Variants in EML5 observed in about 807,000 individuals in gnomAD.
EML5 encodes echinoderm microtubule-associated protein-like 5.
EML5 carries 120 observed loss-of-function variants against 250.0 expected under a neutral mutation model. The observed-to-expected ratio is 0.48, with a 90% confidence interval of 0.41 to 0.56. The LOEUF (loss-of-function observed/expected upper bound fraction) is 0.56. Ranked by LOEUF, EML5 falls within the 20% of genes least tolerant of loss-of-function variation. The pLI, the probability that EML5 is intolerant of heterozygous loss-of-function variation, is 0.00. For missense variants in EML5, 2,006 were observed against 2,437.6 expected (o/e 0.82, Z 3.73); for synonymous variants, 771 against 806.5 (o/e 0.96, Z 0.75).
chr14:88,625,234 G>C lies in EML5; in HGVS notation c.4741-107C>G. 3 of 1,311,796 alleles carry C rather than the reference G, an allele frequency of 2.3e-6. No homozygotes were observed. In the South Asian group the frequency reaches 4.4e-5, roughly 19 times the overall value. The allele number at this position is 1,311,796 out of a possible 1,614,324, so 81.3% of individuals were successfully genotyped here. A position where few individuals can be genotyped will look rare whatever the true frequency, so the allele number is the denominator to read the frequency against. On this transcript the variant is annotated intron_variant, in intron 35 of 43. Transcript: ENST00000554922. ...AATGCTGTCTCACCCTTGATACAAA[G>C]AGCATGCATCGTGTAGTGGCAGCAG...
At chr14:88,652,075 C>T (rs2140828042) in intron 27 of EML5, among the ~76,000 whole-genome samples, 1 of 152,276 alleles carries the variant, frequency 6.6e-6, no homozygotes, top group South Asian at 2.1e-4. Flanking sequence ...GTCCTTTGCA[C>T]TATACGATGC....
chr14:88,619,536 T>C (rs1305631754), intron 39 of EML5: 4 of 152,124 alleles, frequency 2.6e-5, no homozygotes, highest in African/African-American at 7.2e-5. Flanking sequence ...GCCATTAGCA[T>C]TACATAATTA....
intron 21 of EML5, among the ~76,000 whole-genome samples, chr14:88,681,257 A>ACATGAAATG (rs1333347974): frequency 6.6e-6 from 1 of 152,250 alleles, no homozygotes; most frequent in Non-Finnish European, 1.5e-5. Flanking sequence ...CAGACAGAAA[A>ACATGAAATG]CATGAAATGA....
At chr14:88,707,064 T>G (rs1005324595) in intron 10 of EML5, among the ~76,000 whole-genome samples, 3 of 152,128 alleles carry the variant, frequency 2.0e-5, no homozygotes, top group African/African-American at 7.2e-5. Context: ...CTCCTCATGA[T>G]TAGATTCAGG....
At position 88,727,401 on chromosome 14, in the gene EML5, A is replaced by ATTT. The variant is rs3055841; in HGVS notation, c.1050-726_1050-724dup. On this transcript the variant is annotated intron_variant, in intron 7 of 43. Coordinates refer to ENST00000554922, the MANE Select transcript of EML5 (RefSeq NM_183387.3). ...CTGCATCTGTAGTGTGATACACTGC[A>ATTT]TTTTTTTTTTTTTTTTTGAGACGGA... Among the ~76,000 whole-genome samples, 1,265 of 131,668 alleles carry ATTT rather than the reference A, an allele frequency of 9.6e-3. 42 individuals carry two copies. Among genetic ancestry groups the ATTT allele is most frequent in the African/African-American group, 0.03 (1,034 of 34,622 alleles). 86.4% of individuals were successfully genotyped at this position (131,668 alleles called of 152,430 possible). A position where few individuals can be genotyped will look rare whatever the true frequency, so the allele number is the denominator to read the frequency against.
In EML5 at chr14:88,661,759, A is replaced by G. The variant is rs376085514; in HGVS notation, c.3570T>C (p.Ile1190=). 5.0e-6 allele frequency: 8 copies of G among 1,613,648 alleles called. No individual in the cohort carries two copies. In the African/African-American group the frequency reaches 1.1e-4, roughly 22 times the overall value. Residue 1190 remains isoleucine (I), a synonymous_variant, in exon 25 of 44, where the codon ATT becomes ATC. Coordinates refer to ENST00000554922, the MANE Select transcript of EML5 (RefSeq NM_183387.3). ...GLCCEGIWPV[I]GEVTDVTASC... ...AAGCAGTTACATCTGTAACTTCTCC[A>G]ATTACTGGCCAAATTCCTTCACAGC...
chr14:88,669,437 G>A (rs1156751723), intron 21 of EML5, among the ~76,000 whole-genome samples: 1 of 152,186 alleles, frequency 6.6e-6, no homozygotes, highest in Non-Finnish European at 1.5e-5. Flanking sequence ...AGACCCAGGA[G>A]GAATTCACCA....
chr14:88,701,190 G>C (rs974945680), intron 14 of EML5, among the ~76,000 whole-genome samples: 13 of 152,132 alleles, frequency 8.5e-5, no homozygotes, highest in Non-Finnish European at 8.8e-5. Flanking sequence ...TCTGGGTACT[G>C]TCTGGAGACA....
intron 27 of EML5, among the ~76,000 whole-genome samples, chr14:88,653,416 G>C (rs941049264): frequency 2.0e-5 from 3 of 152,162 alleles, no homozygotes; most frequent in African/African-American, 7.2e-5. Context: ...CATTGAGTAT[G>C]ATATTGGCTG....
chr14:88,684,217 A>G (rs547179418), intron 20 of EML5, among the ~76,000 whole-genome samples: 5 of 143,716 alleles, frequency 3.5e-5, no homozygotes, highest in South Asian at 2.3e-4. Flanking sequence ...AACAGCATCA[A>G]AAATAATGGA....
chr14:88,671,072 C>T (rs1006239697), intron 21 of EML5, among the ~76,000 whole-genome samples: 1 of 152,096 alleles, frequency 6.6e-6, no homozygotes, highest in Non-Finnish European at 1.5e-5. Context: ...CAGTAAGATA[C>T]TCCATGAGAA....
Position 88,700,038 on chromosome 14 carries a change from C to T in EML5, c.2238+2408G>A, listed in dbSNP as rs191450550. ...ATTCTTATACTACATTGTGAGCTCC[C>T]GATAGTGGCAGCCAGTCTGAGTTAT... On this transcript the variant is annotated intron_variant, in intron 14 of 43. Transcript: ENST00000554922. Among the ~76,000 whole-genome samples, 417 of 152,170 alleles carry T rather than the reference C, an allele frequency of 2.7e-3. 1 individual carries two copies. Among genetic ancestry groups the T allele is most frequent in the Non-Finnish European group, 4.0e-3 (275 of 67,984 alleles).
At chr14:88,786,928 T>C (rs2094557126) in intron 1 of EML5, among the ~76,000 whole-genome samples, 1 of 152,108 alleles carries the variant, frequency 6.6e-6, no homozygotes, top group Admixed American at 6.5e-5. Flanking sequence ...AAAAATCAAA[T>C]AAGATGAGAA....
chr14:88,665,492 G>A lies in EML5; in HGVS notation c.3125-3C>T. 2 of 1,613,330 alleles carry A rather than the reference G, an allele frequency of 1.2e-6. No individual in the cohort carries two copies. Among genetic ancestry groups the A allele is most frequent in the Non-Finnish European group, 1.7e-6 (2 of 1,179,712 alleles). On this transcript the variant is annotated splice_region_variant and splice_polypyrimidine_tract_variant and intron_variant, in intron 21 of 43. Coordinates refer to ENST00000554922, the MANE Select transcript of EML5 (RefSeq NM_183387.3). The stretch of plus-strand genomic sequence containing the variant: ...AGAAAAACAGCAACACCTCCCACCT[G>A]AAAGAGAAAGAGCATATTAGGCAAT...
intron 1 of EML5, among the ~76,000 whole-genome samples, chr14:88,782,432 A>G (rs1380817048): frequency 3.3e-5 from 5 of 152,260 alleles, no homozygotes; most frequent in Admixed American, 1.3e-4. Flanking sequence ...ACAGAAATCT[A>G]CATAAGAACG....
intron 11 of EML5, 122 bp downstream of exon 11, chr14:88,706,137 C>T: frequency 1.1e-6 from 1 of 912,942 alleles, no homozygotes; most frequent in Non-Finnish European, 1.6e-6. Flanking sequence ...GAAATTTCTA[C>T]TAATAACAAA....
chr14:88,671,589 T>C (rs1414169107), intron 21 of EML5, among the ~76,000 whole-genome samples: 1 of 152,100 alleles, frequency 6.6e-6, no homozygotes, highest in East Asian at 1.9e-4. Flanking sequence ...ATGCCCCAAA[T>C]TAAAAGACAG....
rs772160577 is a variant in EML5 at position 88,627,807 on chromosome 14, G to C, written c.4370C>G (p.Ser1457Cys). 9.4e-6 allele frequency: 15 copies of C among 1,595,860 alleles called. No individual in the cohort carries two copies. In the Admixed American group the frequency reaches 1.6e-4, roughly 17 times the overall value. The change falls in exon 34 of 44, where the codon TCT (serine) becomes TGT (cysteine). Residue 1457 changes from serine (S) to cysteine (C), a missense_variant. Coordinates refer to ENST00000554922, the MANE Select transcript of EML5 (RefSeq NM_183387.3). ...GTTCATTGCATCCCAGATGTGAATAGAAGGAGCTGTAGCTAAATAAAGATA... is the reference window on the plus strand; with the variant it reads ...GTTCATTGCATCCCAGATGTGAATACAAGGAGCTGTAGCTAAATAAAGATA... Reference protein sequence around the residue: ...DSADMSATAPSIHIWDAMNKQ... With the variant: ...DSADMSATAPCIHIWDAMNKQ...
chr14:88,660,343 CCG>C (rs2092039962), intron 25 of EML5, among the ~76,000 whole-genome samples: 4 of 151,418 alleles, frequency 2.6e-5, no homozygotes, highest in South Asian at 2.1e-4. Context: ...AATTTTATTT[CCG>C]TGTTAAGGAA....
Sources: gnomAD v4.1 joint callset for allele counts (sites outside exome capture counted in the v4.1 genomes callset) on GRCh38, gnomAD v4.1.1 for gene constraint, MANE v1.5 for transcripts, NCBI Gene and HGNC (gene_info 2026-07-23, HGNC 2026-07-21) for gene names.